The following NIPAL3 variants were observed in gnomAD, a reference collection of about 807,000 sequenced individuals.
NIPAL3 encodes NIPA-like protein 3.
NIPAL3 carries 41 observed loss-of-function variants against 47.2 expected under a neutral mutation model. The observed-to-expected ratio is 0.87, with a 90% CI of 0.68 to 1.13. The LOEUF (loss-of-function observed/expected upper bound fraction) is 1.13. Among genes scored for constraint, NIPAL3 ranks in the 50% most tolerant of loss-of-function variants. The probability of loss-of-function intolerance (pLI) is 0.00; values close to 1 mark genes in which losing one functional copy is unlikely to be tolerated. For synonymous variants in NIPAL3, 194 were observed against 209.6 expected, an observed-to-expected ratio of 0.93 and a Z score of 0.64; for missense variants, 449 against 530.1, an observed-to-expected ratio of 0.85 and a Z score of 1.50.
In NIPAL3 at chr1:24,423,432, A is replaced by G. The variant is rs568466963; in HGVS notation, c.93+3792A>G. On this transcript the variant is annotated intron_variant, in intron 2 of 11. Coordinates refer to ENST00000374399, the MANE Select transcript of NIPAL3 (RefSeq NM_020448.5). ...GAGGCAGGGGGATCACGAGGTCAGG[A>G]GATCGAGACCACGGTGAAACCCCAT... Among the ~76,000 whole-genome samples the G allele has an allele frequency of 2.6e-5, 4 of 152,312 alleles. No individual in the cohort carries two copies. The South Asian group carries it at 8.3e-4, about 32-fold the overall frequency.
At chr1:24,460,380 A>C (rs144440974) in intron 9 of NIPAL3, 101 bp from the exon 10 acceptor site, 1 of 886,086 alleles carries the variant, frequency 1.1e-6, no homozygotes, top group East Asian at 2.9e-5. Flanking sequence ...TGATCATTTT[A>C]GTTTCCTAAA....
In NIPAL3 at chr1:24,454,451, G is replaced by A. The variant is rs955104543; in HGVS notation, c.637+947G>A. On this transcript the variant is annotated intron_variant, in intron 7 of 11. Coordinates refer to ENST00000374399, the MANE Select transcript of NIPAL3 (RefSeq NM_020448.5). This position sits in a 1 kb window ranked among gnomAD's most constrained non-coding sequence, Gnocchi z 4.1. ...AGATGTGCACAGGTGGCTAATATGT[G>A]CATTTTTCTTCCAACCTTCCTACTG... 6.0e-5 allele frequency: 60 copies of A among 995,744 alleles called. No individual in the cohort carries two copies. Among genetic ancestry groups the A allele is most frequent in the Non-Finnish European group, 6.3e-5 (53 of 836,076 alleles). The allele number at this position is 995,744 out of a possible 1,614,324, so 61.7% of individuals were successfully genotyped here. A position where few individuals can be genotyped will look rare whatever the true frequency, so the allele number is the denominator to read the frequency against.
chr1:24,458,102 G>A (rs563898298), intron 8 of NIPAL3, among the ~76,000 whole-genome samples: 7 of 152,286 alleles, frequency 4.6e-5, no homozygotes, highest in East Asian at 1.9e-4. Context: ...AGGCATTCAC[G>A]GCCCTGGCTG....
intron 4 of NIPAL3, among the ~76,000 whole-genome samples, chr1:24,442,930 A>G (rs190243521): frequency 6.6e-6 from 1 of 152,304 alleles, no homozygotes; most frequent in African/African-American, 2.4e-5. Context: ...TGATTACACA[A>G]TTGCACTCCA....
rs147661477 is a variant in NIPAL3 at position 24,469,128 on chromosome 1, C to T, written c.1164C>T (p.Gly388=). The change falls in exon 12 of 12, where the codon GGC becomes GGT. Residue 388 remains glycine (G), a synonymous_variant. Coordinates refer to ENST00000374399, the MANE Select transcript of NIPAL3 (RefSeq NM_020448.5). Reference sequence around the variant, plus strand: ...TGCCAGTCATGCAAGAAGAGCACGGCTCCAGAAGTGCCTCTGGGGTCCCCT... The same window carrying T: ...TGCCAGTCATGCAAGAAGAGCACGGTTCCAGAAGTGCCTCTGGGGTCCCCT... ...ATLPVMQEEH[G]SRSASGVPYR... 6.2e-4 allele frequency: 999 copies of T among 1,614,158 alleles called. 2 individuals carry two copies. Among genetic ancestry groups the T allele is most frequent in the Middle Eastern group, 1.5e-3 (9 of 6,062 alleles).
At chr1:24,464,175 T>C in intron 11 of NIPAL3, 55 bp downstream of exon 11, 2 of 1,374,220 alleles carry the variant, frequency 1.5e-6, no homozygotes, top group South Asian at 1.2e-5. Context: ...TGACTGCTAC[T>C]TCCTGTTTAA....
rs1644212485 is a variant in NIPAL3 at position 24,419,482 on chromosome 1, T to C, written c.-66T>C. ...CCACAAGGAGAGATGGCATCTGGCC[T>C]GGGCCCCGCCTAGCAGCAGCTCCAC... On this transcript the variant is annotated 5_prime_UTR_variant, in exon 2 of 12. Coordinates refer to ENST00000374399, the MANE Select transcript of NIPAL3 (RefSeq NM_020448.5). 2.7e-6 allele frequency: 4 copies of C among 1,490,846 alleles called. No homozygotes were observed. The highest frequency in any genetic ancestry group is 1.8e-6 in the Non-Finnish European group (2 of 1,116,736). The allele number at this position is 1,490,846 out of a possible 1,614,324, so 92.4% of individuals were successfully genotyped here.
At chr1:24,420,330 C>G (rs1019526925) in intron 2 of NIPAL3, among the ~76,000 whole-genome samples, 1 of 151,926 alleles carries the variant, frequency 6.6e-6, no homozygotes, top group Admixed American at 6.6e-5. Context: ...AGTGATACCC[C>G]GCCTGTACAA....
chr1:24,420,470 A>C (rs947704153), intron 2 of NIPAL3, among the ~76,000 whole-genome samples: 1 of 151,988 alleles, frequency 6.6e-6, no homozygotes, highest in Non-Finnish European at 1.5e-5. Context: ...GCACCACTGC[A>C]CTCTAGCCTG....
At chr1:24,444,370 GA>G (rs141070142) in intron 4 of NIPAL3, among the ~76,000 whole-genome samples, 2,060 of 152,248 alleles carry the variant, frequency 0.014, 53 homozygotes, top group African/African-American at 0.048. Context: ...AAAGGGGATG[GA>G]AAAGTGGAAA....
Position 24,449,607 on chromosome 1 carries a change from G to T in NIPAL3, c.521G>T (p.Trp174Leu). The T allele has an allele frequency of 1.2e-6, 2 of 1,613,674 alleles. No homozygotes were observed. Among genetic ancestry groups the T allele is most frequent in the Non-Finnish European group, 1.7e-6 (2 of 1,179,958 alleles). ...AATGTCACCAGGCACCTCGTGAGCT[G>T]GCCTTTCCTTTTGTACATGGTAAGA... Reference protein sequence around the residue: ...GENVTRHLVSWPFLLYMLVEI... With the variant: ...GENVTRHLVSLPFLLYMLVEI... The change falls in exon 6 of 12, where the codon TGG becomes TTG. Residue 174 changes from tryptophan (W) to leucine (L), a missense_variant. Trp to Leu is a moderately conservative substitution (Grantham distance 61). Coordinates refer to ENST00000374399, the MANE Select transcript of NIPAL3 (RefSeq NM_020448.5). This position sits in a 1 kb window ranked among gnomAD's most constrained non-coding sequence, Gnocchi z 4.5.
At position 24,449,778 on chromosome 1, in the gene NIPAL3, T is replaced by A. The variant is rs1417206145; in HGVS notation, c.540+152T>A. ...ACCGTGCTTCTGGAGAGTACACAGC[T>A]CATGGCGAAATGCTTGTTTCATTTA... On this transcript the variant is annotated intron_variant, in intron 6 of 11. Coordinates refer to ENST00000374399, the MANE Select transcript of NIPAL3 (RefSeq NM_020448.5). This position sits in a 1 kb window ranked among gnomAD's most constrained non-coding sequence, Gnocchi z 4.5. The A allele has an allele frequency of 7.8e-6, 6 of 772,520 alleles. No homozygotes were observed. The highest frequency in any genetic ancestry group is 1.2e-5 in the Non-Finnish European group (6 of 507,534). 47.9% of individuals were successfully genotyped at this position (772,520 alleles called of 1,614,324 possible).
intron 8 of NIPAL3, 102 bp from the exon 9 acceptor site, chr1:24,458,785 TA>T: frequency 1.1e-6 from 1 of 881,402 alleles, no homozygotes; most frequent in Non-Finnish European, 1.9e-6. Flanking sequence ...GGAACATTCC[TA>T]AATGTATCAT....
chr1:24,428,899 C>T (rs1225872360), intron 2 of NIPAL3, among the ~76,000 whole-genome samples: 2 of 152,122 alleles, frequency 1.3e-5, no homozygotes, highest in Non-Finnish European at 2.9e-5. Flanking sequence ...TCTCTGTGGC[C>T]ACAGTGGCCT....
At chr1:24,420,304 C>G (rs949179043) in intron 2 of NIPAL3, among the ~76,000 whole-genome samples, 5 of 151,988 alleles carry the variant, frequency 3.3e-5, no homozygotes, top group African/African-American at 7.2e-5. Context: ...AAGTTTGAAA[C>G]CAGCCTGGGC....
At chr1:24,454,000 G>T (rs1646068354) in intron 7 of NIPAL3, 1 of 463,692 alleles carries the variant, frequency 2.2e-6, no homozygotes, top group Non-Finnish European at 4.2e-6. Context: ...TCCTGAATCA[G>T]CTTGAGGCTA....
chr1:24,435,266 G>T (rs1229686347), intron 2 of NIPAL3, among the ~76,000 whole-genome samples: 1 of 152,114 alleles, frequency 6.6e-6, no homozygotes, highest in African/African-American at 2.4e-5. Flanking sequence ...AACTCAAAAT[G>T]GATCGGAGAG....
At position 24,472,531 on chromosome 1, in the gene NIPAL3, AG is replaced by A. The variant is rs1478214168; in HGVS notation, c.*3348del. ...ACCTCGGTCTCCTTTTGAGCAGCCC[AG>A]GTACCTAAAGCAAGGTCACCAAACT... is the stretch of plus-strand genomic sequence containing the variant. On this transcript the variant is annotated 3_prime_UTR_variant, in exon 12 of 12. Transcript: ENST00000374399. The A allele has an allele frequency of 6.6e-6, 1 of 152,250 alleles. No individual in the cohort carries two copies. The highest frequency in any genetic ancestry group is 1.5e-5 in the Non-Finnish European group (1 of 68,058). 9.4% of individuals were successfully genotyped at this position (152,250 alleles called of 1,614,324 possible). A position where few individuals can be genotyped will look rare whatever the true frequency, so the allele number is the denominator to read the frequency against.
chr1:24,430,651 C>T (rs1468041322), intron 2 of NIPAL3, among the ~76,000 whole-genome samples: 1 of 152,230 alleles, frequency 6.6e-6, no homozygotes, highest in Non-Finnish European at 1.5e-5. Flanking sequence ...GAGCCACCTT[C>T]ATTTTTGTTC....
Sources: allele counts gnomAD v4.1 joint callset (sites outside exome capture counted in the v4.1 genomes callset), GRCh38; gene constraint gnomAD v4.1.1; non-coding constraint Gnocchi (gnomAD v3.1); transcripts MANE v1.5; gene names NCBI Gene and HGNC (gene_info 2026-07-23, HGNC 2026-07-21).